ACYP2: variants seen among roughly 807,000 people sequenced by gnomAD.
ACYP2 encodes the protein acylphosphatase 2.
Under a neutral mutation model 11.2 loss-of-function variants are expected in ACYP2, and 12 were observed. The ratio of observed to expected loss-of-function variants is 1.08; its 90% CI spans 0.69 to 1.74. The LOEUF (loss-of-function observed/expected upper bound fraction) is 1.74. Ranked by LOEUF, ACYP2 falls within the 40% of genes most tolerant of loss-of-function variation. The pLI is 0.00. For missense variants in ACYP2, 134 were observed against 101.9 expected (o/e 1.31, Z -1.35); for synonymous variants, 43 against 32.2 (o/e 1.33, Z -1.13).
intron 6 of ACYP2, among the ~76,000 whole-genome samples, chr2:54,303,828 C>T (rs1689816800): frequency 6.6e-6 from 1 of 152,136 alleles, no homozygotes; most frequent in African/African-American, 2.4e-5. Context: ...AGATAACAGC[C>T]ATCATTTGTA....
At chr2:54,132,802 T>A (rs1374245369) in intron 4 of ACYP2, among the ~76,000 whole-genome samples, 1 of 150,866 alleles carries the variant, frequency 6.6e-6, no homozygotes, top group South Asian at 2.1e-4. Flanking sequence ...TGGAGTGCAA[T>A]GGCATGATCT....
chr2:54,184,231 T>C (rs931915588), intron 6 of ACYP2, among the ~76,000 whole-genome samples: 6 of 152,140 alleles, frequency 3.9e-5, no homozygotes, highest in Non-Finnish European at 7.4e-5. Context: ...GGGCCAGACA[T>C]ACAAAGAAAC....
chr2:54,075,463 A>AC (rs1677279847), intron 4 of ACYP2, among the ~76,000 whole-genome samples: 1 of 151,164 alleles, frequency 6.6e-6, no homozygotes, highest in African/African-American at 2.4e-5. Flanking sequence ...GCACCACTGC[A>AC]TCCTATCCTG....
At chr2:54,299,361 A>C (rs1689635281) in intron 6 of ACYP2, among the ~76,000 whole-genome samples, 4 of 152,096 alleles carry the variant, frequency 2.6e-5, no homozygotes, top group Admixed American at 2.6e-4. Flanking sequence ...TGGGAGGCCG[A>C]GGCGGGCAGA....
intron 2 of ACYP2, among the ~76,000 whole-genome samples, chr2:54,018,878 G>A (rs924790240): frequency 6.6e-6 from 1 of 151,894 alleles, no homozygotes; most frequent in African/African-American, 2.4e-5. Flanking sequence ...CTCCTGAGTA[G>A]CTGGGATTAC....
chr2:54,017,896 C>G (rs1673787134), intron 2 of ACYP2, among the ~76,000 whole-genome samples: 1 of 151,996 alleles, frequency 6.6e-6, no homozygotes, highest in South Asian at 2.1e-4. Flanking sequence ...AACAGGGTCT[C>G]ACTTTGTTGT....
At chr2:54,248,885 G>A (rs974617470) in intron 6 of ACYP2, among the ~76,000 whole-genome samples, 1 of 152,100 alleles carries the variant, frequency 6.6e-6, no homozygotes, top group Non-Finnish European at 1.5e-5. Context: ...TAGAAGATAC[G>A]GCATTTCAGT....
intron 4 of ACYP2, among the ~76,000 whole-genome samples, chr2:54,128,140 A>G (rs7355768): frequency 0.054 from 8,289 of 152,286 alleles, 713 homozygotes; most frequent in African/African-American, 0.19. Context: ...AATCATATGC[A>G]ATTGGCAAAA....
intron 6 of ACYP2, among the ~76,000 whole-genome samples, chr2:54,176,700 C>G (rs1217228302): frequency 2.0e-5 from 3 of 152,138 alleles, no homozygotes; most frequent in African/African-American, 4.8e-5. Flanking sequence ...TTCACGATGA[C>G]ATGCTTAGTT....
At chr2:54,088,191 ATTC>A (rs1168887310) in intron 4 of ACYP2, among the ~76,000 whole-genome samples, 1 of 152,208 alleles carries the variant, frequency 6.6e-6, no homozygotes, top group Non-Finnish European at 1.5e-5. Flanking sequence ...ATCAGCCTGT[ATTC>A]CAGAGAGTGT....
At chr2:54,067,944 C>T (rs1245282488) in intron 4 of ACYP2, among the ~76,000 whole-genome samples, 2 of 152,186 alleles carry the variant, frequency 1.3e-5, no homozygotes, top group Non-Finnish European at 2.9e-5. Context: ...GCTCTGCTTG[C>T]ATAACCCATA....
intron 2 of ACYP2, among the ~76,000 whole-genome samples, chr2:53,982,828 C>CTGTGTGTGTG (rs3066946): frequency 0.011 from 1,550 of 140,566 alleles, 17 homozygotes; most frequent in African/African-American, 0.016. Flanking sequence ...TCACACAAGA[C>CTGTGTGTGTG]TGTGTGTGTG....
At chr2:54,026,207 C>G (rs1157833951) in intron 2 of ACYP2, among the ~76,000 whole-genome samples, 3 of 152,062 alleles carry the variant, frequency 2.0e-5, no homozygotes, top group Non-Finnish European at 4.4e-5. Flanking sequence ...CCAGAATCTA[C>G]AAGGAACTCA....
intron 6 of ACYP2, among the ~76,000 whole-genome samples, chr2:54,155,615 T>C (rs975466086): frequency 1.3e-5 from 2 of 152,312 alleles, no homozygotes; most frequent in East Asian, 1.9e-4. Context: ...TGCCTGATGA[T>C]CTGAGGTGGA....
In ACYP2 at chr2:54,072,361, A is replaced by G. The variant is rs551301885; in HGVS notation, c.277+15001A>G. Reference sequence around the variant, plus strand: ...TCACTCTATACCCAGGCTGGAGTGCAGTGGCATAATCACAGTTCACTGCAG... The same window carrying G: ...TCACTCTATACCCAGGCTGGAGTGCGGTGGCATAATCACAGTTCACTGCAG... On this transcript the variant is annotated intron_variant, in intron 4 of 6. Transcript: ENST00000607452. Among the ~76,000 whole-genome samples, 3 of 148,186 alleles carry G rather than the reference A, an allele frequency of 2.0e-5. No individual in the cohort carries two copies. The South Asian group carries it at 6.3e-4, about 31-fold the overall frequency.
At chr2:54,304,173 T>TCC (rs1443082902) in intron 6 of ACYP2, among the ~76,000 whole-genome samples, 1 of 152,024 alleles carries the variant, frequency 6.6e-6, no homozygotes, top group Non-Finnish European at 1.5e-5. Context: ...AAATTATGTT[T>TCC]CTTCTTTATT....
intron 2 of ACYP2, among the ~76,000 whole-genome samples, chr2:54,037,514 A>G (rs1424126877): frequency 6.6e-6 from 1 of 152,028 alleles, no homozygotes; most frequent in East Asian, 1.9e-4. Flanking sequence ...AGGCTCGAGC[A>G]ATCCAACCAC....
intron 4 of ACYP2, among the ~76,000 whole-genome samples, chr2:54,110,179 T>A (rs1679385009): frequency 6.6e-6 from 1 of 152,204 alleles, no homozygotes; most frequent in Non-Finnish European, 1.5e-5. Context: ...GTATAATGAA[T>A]CCCCATCTAC....
intron 6 of ACYP2, among the ~76,000 whole-genome samples, chr2:54,296,277 C>A (rs2104157347): frequency 1.3e-5 from 2 of 152,348 alleles, no homozygotes; most frequent in East Asian, 3.9e-4. Context: ...GCTGGCCTCT[C>A]TGCTGGCTTC....
Sources: allele counts gnomAD v4.1 joint callset (sites outside exome capture counted in the v4.1 genomes callset), GRCh38; gene constraint gnomAD v4.1.1; transcripts MANE v1.5; gene names NCBI Gene and HGNC (gene_info 2026-07-23, HGNC 2026-07-21).